SPOCK2: variants seen among roughly 807,000 people sequenced by gnomAD.
SPOCK2 encodes testican-2.
Under a neutral mutation model 60.1 loss-of-function variants are expected in SPOCK2, and 39 were observed. That is an observed-to-expected ratio of 0.65 (90% CI 0.50 to 0.85). The LOEUF (loss-of-function observed/expected upper bound fraction) is 0.85, where lower values mean the gene tolerates loss of function less well. SPOCK2 is among the 40% of genes least tolerant of loss of function. The probability of loss-of-function intolerance (pLI) is 0.00; values close to 1 mark genes in which losing one functional copy is unlikely to be tolerated. For synonymous variants in SPOCK2, 217 were observed against 231.5 expected (o/e 0.94, Z 0.57); for missense variants, 523 against 567.4 (o/e 0.92, Z 0.80).
intron 1 of SPOCK2, among the ~76,000 whole-genome samples, chr10:72,077,574 G>A (rs1346238914): frequency 6.6e-6 from 1 of 152,152 alleles, no homozygotes; most frequent in Non-Finnish European, 1.5e-5. Flanking sequence ...CAGGCCTCAG[G>A]TCCCTCCCGC....
intron 1 of SPOCK2, chr10:72,086,652 G>C (rs1840859523): frequency 1.6e-6 from 2 of 1,243,810 alleles, no homozygotes; most frequent in African/African-American, 1.6e-5. Context: ...CGGGGCTCCA[G>C]GCTCCTGCGG....
chr10:72,067,673 G>A lies in SPOCK2; in HGVS notation c.649C>T (p.Leu217Phe). 6.2e-7 allele frequency: 1 copy of A among 1,613,824 alleles called. No homozygotes were observed. The highest frequency in any genetic ancestry group is 1.7e-4 in the Middle Eastern group (1 of 6,014). ...LGDRLRDWFQ[L>F]LHENSKQNGS... ...TTCTGCTTGGAGTTCTCATGAAGGA[G>A]CTGGAACCAGTCCCGCAGCCGATCT... The change falls in exon 7 of 11, where the codon CTC becomes TTC. Residue 217 changes from leucine (L) to phenylalanine (F), a missense_variant. Leu to Phe is a conservative substitution (Grantham distance 22). Coordinates refer to ENST00000373109, the MANE Select transcript of SPOCK2 (RefSeq NM_001244950.2).
At chr10:72,063,280 AGACCGGGTGCT>A in intron 9 of SPOCK2, 118 bp from the exon 10 acceptor site, 1 of 1,425,224 alleles carries the variant, frequency 7.0e-7, no homozygotes, top group Non-Finnish European at 9.3e-7. Flanking sequence ...GAGCCCAGCC[AGACCGGGTGCT>A]GACCCCCCAA....
intron 1 of SPOCK2, among the ~76,000 whole-genome samples, chr10:72,084,923 G>A (rs1365942654): frequency 6.6e-6 from 1 of 152,136 alleles, no homozygotes; most frequent in African/African-American, 2.4e-5. Flanking sequence ...TGCGCCTCCT[G>A]GGTGCCAAGC....
intron 1 of SPOCK2, among the ~76,000 whole-genome samples, chr10:72,085,307 C>A (rs995263595): frequency 6.6e-6 from 1 of 152,166 alleles, no homozygotes; most frequent in Non-Finnish European, 1.5e-5. Context: ...TCCTCCCTGG[C>A]AGCCGGGCAC....
intron 5 of SPOCK2, chr10:72,068,748 AG>A (rs1455359656): frequency 5.9e-6 from 1 of 169,332 alleles, no homozygotes; most frequent in Admixed American, 6.0e-5. Flanking sequence ...GACTTTTCTC[AG>A]TTCTCCTGAT....
chr10:72,079,400 G>T (rs1169366033), intron 1 of SPOCK2, among the ~76,000 whole-genome samples: 2 of 152,144 alleles, frequency 1.3e-5, no homozygotes, highest in African/African-American at 2.4e-5. Context: ...ACACCTGGGG[G>T]CCCCCGTTCT....
chr10:72,070,370 C>T lies in SPOCK2; in HGVS notation c.416G>A (p.Cys139Tyr), dbSNP rs1441683952. The stretch of plus-strand genomic sequence containing the variant: ...GACAGAGGCAAGCTGGGCCATGTGG[C>T]AGGGCTTGCAGATGGAGTCTTTGTT... ...HGNKDSICKP[C>Y]HMAQLASVCG... The change falls in exon 5 of 11, where the codon TGC becomes TAC. Residue 139 changes from cysteine to tyrosine, a missense_variant. Transcript: ENST00000373109. The T allele has an allele frequency of 6.2e-7, 1 of 1,614,220 alleles. No homozygotes were observed. Among genetic ancestry groups the T allele is most frequent in the Admixed American group, 1.7e-5 (1 of 60,028 alleles).
intron 8 of SPOCK2, 102 bp from the exon 9 acceptor site, chr10:72,064,342 T>G: frequency 7.7e-7 from 1 of 1,291,494 alleles, no homozygotes; most frequent in Non-Finnish European, 1.0e-6. Context: ...CTCTGCAAGA[T>G]GAAAACACCC....
Position 72,071,482 on chromosome 10 carries a change from C to T in SPOCK2, c.359+662G>A, listed in dbSNP as rs1840646829. ...GGGATTACAGGCAGGAGCCACTGCACCCAGCTGGAGCTAAGGCTTCCTTAA... is the reference window on the plus strand; with the variant it reads ...GGGATTACAGGCAGGAGCCACTGCATCCAGCTGGAGCTAAGGCTTCCTTAA... On this transcript the variant is annotated intron_variant, in intron 4 of 10. Coordinates refer to ENST00000373109, the MANE Select transcript of SPOCK2 (RefSeq NM_001244950.2). Among the ~76,000 whole-genome samples, 2 of 152,188 alleles carry T rather than the reference C, an allele frequency of 1.3e-5. 1 individual carries two copies. The highest frequency in any genetic ancestry group is 4.8e-5 in the African/African-American group (2 of 41,446).
intron 1 of SPOCK2, 50 bp downstream of exon 1, chr10:72,088,090 C>T (rs755861709): frequency 4.4e-6 from 7 of 1,599,334 alleles, no homozygotes; most frequent in African/African-American, 4.0e-5. Context: ...GGAGCTCAAT[C>T]CCCGAACCCG....
chr10:72,064,921 G>A (rs12783776), intron 8 of SPOCK2, among the ~76,000 whole-genome samples: 13,463 of 96,272 alleles, frequency 0.14, 1,913 homozygotes, highest in Middle Eastern at 0.3. Context: ...TAGTAGAGAC[G>A]GGGTTTCACC....
At chr10:72,066,606 C>T (rs963918302) in intron 8 of SPOCK2, among the ~76,000 whole-genome samples, 1 of 151,500 alleles carries the variant, frequency 6.6e-6, no homozygotes, top group Non-Finnish European at 1.5e-5. Context: ...TCCCAAAGTG[C>T]TGGGATTTCT....
At chr10:72,081,667 G>A (rs947914092) in intron 1 of SPOCK2, among the ~76,000 whole-genome samples, 4 of 152,228 alleles carry the variant, frequency 2.6e-5, no homozygotes, top group Non-Finnish European at 4.4e-5. Flanking sequence ...ACAGGGAGAC[G>A]CGGGGACAGT....
rs1345828925 is a variant in SPOCK2 at position 72,087,607 on chromosome 10, C to T, written c.189+533G>A. On this transcript the variant is annotated intron_variant, in intron 1 of 10. Coordinates refer to ENST00000373109, the MANE Select transcript of SPOCK2 (RefSeq NM_001244950.2). The surrounding 1 kb of genome is among the most constrained non-coding windows in gnomAD (Gnocchi z 4.7). ...CCAGACCCAGAGCCCCGGTCACACT[C>T]CCGTCCCATGCTGTCCCCCTCCCGC... is the stretch of plus-strand genomic sequence containing the variant. 6.6e-6 allele frequency among the ~76,000 whole-genome samples: 1 copy of T among 152,204 alleles called. No individual in the cohort carries two copies. The highest frequency in any genetic ancestry group is 2.4e-5 in the African/African-American group (1 of 41,458).
chr10:72,072,616 G>T, intron 2 of SPOCK2, 68 bp from the exon 3 acceptor site: 2 of 1,605,902 alleles, frequency 1.2e-6, no homozygotes, highest in Non-Finnish European at 8.5e-7. Context: ...TTCAACTGCG[G>T]GGTCGAGGAG....
intron 8 of SPOCK2, among the ~76,000 whole-genome samples, 185 bp from the exon 9 acceptor site, chr10:72,064,425 C>T (rs1312478071): frequency 6.6e-6 from 1 of 152,182 alleles, no homozygotes; most frequent in Non-Finnish European, 1.5e-5. Context: ...AACGCTCACT[C>T]TCTATTTAGG....
Position 72,087,628 on chromosome 10 carries a change from C to T in SPOCK2, c.189+512G>A, listed in dbSNP as rs958689925. On this transcript the variant is annotated intron_variant, in intron 1 of 10. Coordinates refer to ENST00000373109, the MANE Select transcript of SPOCK2 (RefSeq NM_001244950.2). This position sits in a 1 kb window ranked among gnomAD's most constrained non-coding sequence, Gnocchi z 4.7. ...CACTCCCGTCCCATGCTGTCCCCCTCCCGCAAAGCCCACGGTGGGAACAGA... is the reference window on the plus strand; with the variant it reads ...CACTCCCGTCCCATGCTGTCCCCCTTCCGCAAAGCCCACGGTGGGAACAGA... Among the ~76,000 whole-genome samples the T allele has an allele frequency of 6.6e-6, 1 of 152,216 alleles. No individual in the cohort carries two copies. Among genetic ancestry groups the T allele is most frequent in the Non-Finnish European group, 1.5e-5 (1 of 68,034 alleles).
chr10:72,077,991 G>A (rs923388185), intron 1 of SPOCK2, among the ~76,000 whole-genome samples: 4 of 152,168 alleles, frequency 2.6e-5, no homozygotes, highest in African/African-American at 4.8e-5. Context: ...ATTCTGACCC[G>A]GTCTCTCTCT....
Sources: gnomAD v4.1 joint callset for allele counts (sites outside exome capture counted in the v4.1 genomes callset) on GRCh38, gnomAD v4.1.1 for gene constraint, Gnocchi (gnomAD v3.1) non-coding constraint, MANE v1.5 for transcripts, NCBI Gene and HGNC (gene_info 2026-07-23, HGNC 2026-07-21) for gene names.